Variants in GPM6A observed in about 807,000 individuals in gnomAD.
GPM6A encodes glycoprotein M6A.
In GPM6A, 7 loss-of-function variants were observed where a neutral mutation model predicts 32.1. That is an observed-to-expected ratio of 0.22 (90% CI 0.12 to 0.41). GPM6A has a LOEUF of 0.41. Ranked by LOEUF, GPM6A falls within the 10% of genes least tolerant of loss-of-function variation. The pLI is 1.00. For missense variants in GPM6A, 235 were observed against 347.2 expected, an observed-to-expected ratio of 0.68 and a Z score of 2.57; for synonymous variants, 130 against 123.4, an observed-to-expected ratio of 1.05 and a Z score of -0.35.
At chr4:175,692,276 C>T (rs184007983) in intron 2 of GPM6A, among the ~76,000 whole-genome samples, 16 of 152,176 alleles carry the variant, frequency 1.1e-4, no homozygotes, top group South Asian at 6.2e-4. Context: ...AATTAATGTA[C>T]ATATGGTCAA....
At chr4:175,668,389 C>T (rs1182357281) in intron 3 of GPM6A, among the ~76,000 whole-genome samples, 1 of 151,888 alleles carries the variant, frequency 6.6e-6, no homozygotes, top group African/African-American at 2.4e-5. Context: ...CTACACCCCA[C>T]CCCCCAAATC....
chr4:175,968,325 G>C (rs1740393697), intron 1 of GPM6A, among the ~76,000 whole-genome samples: 1 of 152,094 alleles, frequency 6.6e-6, no homozygotes, highest in African/African-American at 2.4e-5. Context: ...AAATATCTTA[G>C]GGGATGACAT....
At chr4:175,787,597 T>C (rs923386210) in intron 1 of GPM6A, 1 of 1,341,040 alleles carries the variant, frequency 7.5e-7, no homozygotes, top group Non-Finnish European at 9.6e-7. Flanking sequence ...CTAATTCAGC[T>C]TTTTTCCCCA....
At chr4:175,651,789 A>G in intron 4 of GPM6A, 45 bp downstream of exon 4, 2 of 1,516,666 alleles carry the variant, frequency 1.3e-6, no homozygotes, top group Non-Finnish European at 1.8e-6. Flanking sequence ...AGGTAACACA[A>G]TATGGGATGG....
intron 1 of GPM6A, among the ~76,000 whole-genome samples, chr4:175,973,271 G>C (rs368335822): frequency 3.3e-5 from 5 of 152,138 alleles, no homozygotes; most frequent in African/African-American, 1.2e-4. Flanking sequence ...ATGAGGAAAA[G>C]TTTATTCTTA....
intron 1 of GPM6A, chr4:175,960,673 T>C (rs544187500): frequency 2.0e-5 from 3 of 152,344 alleles, no homozygotes; most frequent in Admixed American, 6.5e-5. Context: ...CCAATACTGA[T>C]AGTCACATTT....
chr4:175,781,122 C>T (rs1365858576), intron 1 of GPM6A: 4 of 121,656 alleles, frequency 3.3e-5, no homozygotes, highest in African/African-American at 1.1e-4. Flanking sequence ...GGGCCTCAGG[C>T]ACAGTAATAA....
At chr4:175,658,941 G>T (rs1742241575) in intron 3 of GPM6A, among the ~76,000 whole-genome samples, 1 of 152,068 alleles carries the variant, frequency 6.6e-6, no homozygotes, top group Non-Finnish European at 1.5e-5. Flanking sequence ...GAAACAGTCT[G>T]GTTTCCTACA....
upstream of GPM6A, among the ~76,000 whole-genome samples, chr4:175,813,578 G>A (rs970028200): frequency 2.0e-5 from 3 of 151,000 alleles, no homozygotes; most frequent in African/African-American, 4.9e-5. Flanking sequence ...ACACGGAGAG[G>A]CACACACACA....
chr4:175,866,794 C>A (rs1736753322), intron 1 of GPM6A, among the ~76,000 whole-genome samples: 1 of 152,154 alleles, frequency 6.6e-6, no homozygotes, highest in Admixed American at 6.5e-5. Flanking sequence ...AGTGTGACTG[C>A]TGAATCATAA....
At chr4:175,826,440 G>A (rs773104478) in intron 1 of GPM6A, among the ~76,000 whole-genome samples, 1 of 152,060 alleles carries the variant, frequency 6.6e-6, no homozygotes, top group South Asian at 2.1e-4. Flanking sequence ...CTTTTTAAAT[G>A]TAATACTATT....
chr4:175,933,469 T>C (rs1739118667), intron 1 of GPM6A, among the ~76,000 whole-genome samples: 1 of 152,166 alleles, frequency 6.6e-6, no homozygotes, highest in African/African-American at 2.4e-5. Context: ...ACTTACCATA[T>C]GATTAGCAGT....
intron 3 of GPM6A, among the ~76,000 whole-genome samples, chr4:175,659,721 C>CTCT (rs1040886808): frequency 5.3e-5 from 8 of 152,152 alleles, no homozygotes; most frequent in African/African-American, 7.2e-5. Flanking sequence ...AGAGCATGAG[C>CTCT]TCTTGTGCTT....
chr4:175,648,158 TTG>T (rs1741581886), intron 4 of GPM6A, among the ~76,000 whole-genome samples: 6 of 151,998 alleles, frequency 3.9e-5, no homozygotes, highest in Admixed American at 1.3e-4. Flanking sequence ...ACTAATGAGA[TTG>T]AAATAAGGTT....
intron 1 of GPM6A, among the ~76,000 whole-genome samples, chr4:175,858,458 G>C (rs1320500221): frequency 6.6e-6 from 1 of 151,880 alleles, no homozygotes; most frequent in Non-Finnish European, 1.5e-5. Context: ...CTTGAACCCA[G>C]GAGGAGGAGG....
chr4:175,854,041 G>T lies in GPM6A; in HGVS notation c.-22-41792C>A, dbSNP rs1011158297. On this transcript the variant is annotated intron_variant, in intron 1 of 7. Coordinates refer to the GPM6A transcript ENST00000280187. ...AGAAATAGGAAAAAGCACAAGGAAAGCACATTTCTGACTTGGGCAGGTAAA... is the reference window on the plus strand; with the variant it reads ...AGAAATAGGAAAAAGCACAAGGAAATCACATTTCTGACTTGGGCAGGTAAA... Among the ~76,000 whole-genome samples the T allele has an allele frequency of 3.3e-5, 5 of 152,144 alleles. No homozygotes were observed. The East Asian group carries it at 9.6e-4, about 29-fold the overall frequency.
intron 1 of GPM6A, among the ~76,000 whole-genome samples, chr4:175,886,287 A>G (rs1452789620): frequency 1.3e-5 from 2 of 152,180 alleles, no homozygotes; most frequent in African/African-American, 4.8e-5. Context: ...TATCCATAAG[A>G]GCATTATAAT....
intron 4 of GPM6A, among the ~76,000 whole-genome samples, chr4:175,650,000 C>T (rs558989528): frequency 5.6e-4 from 85 of 152,254 alleles, no homozygotes; most frequent in Non-Finnish European, 7.1e-4. Context: ...AGCAGAGCCA[C>T]GGCCTTCTAA....
intron 1 of GPM6A, among the ~76,000 whole-genome samples, chr4:175,757,587 A>G (rs1186387501): frequency 6.6e-6 from 1 of 152,212 alleles, no homozygotes. Flanking sequence ...ACTAGGTTCA[A>G]AATGAATGTT....
Sources: allele counts gnomAD v4.1 joint callset (sites outside exome capture counted in the v4.1 genomes callset), GRCh38; gene constraint gnomAD v4.1.1; transcripts MANE v1.5; gene names NCBI Gene and HGNC (gene_info 2026-07-23, HGNC 2026-07-21).